GTF3C3: variants seen among roughly 807,000 people sequenced by gnomAD.
GTF3C3 encodes the protein general transcription factor IIIC subunit 3.
In GTF3C3, 75 loss-of-function variants were observed where a neutral mutation model predicts 105.2. The observed-to-expected ratio is 0.71, with a 90% confidence interval of 0.59 to 0.86. The LOEUF (loss-of-function observed/expected upper bound fraction) is 0.86, where lower values mean the gene tolerates loss of function less well. Ranked by LOEUF, GTF3C3 falls within the 40% of genes least tolerant of loss-of-function variation. The probability of loss-of-function intolerance (pLI) is 0.00; values close to 1 mark genes in which losing one functional copy is unlikely to be tolerated. For synonymous variants in GTF3C3, 335 were observed against 370.4 expected, an observed-to-expected ratio of 0.90 and a Z score of 1.10; for missense variants, 856 against 1,076.5, an observed-to-expected ratio of 0.80 and a Z score of 2.87.
At chr2:196,792,521 TTGTCTGTG>T (rs1192351256) in intron 3 of GTF3C3, among the ~76,000 whole-genome samples, 1 of 152,186 alleles carries the variant, frequency 6.6e-6, no homozygotes, top group Non-Finnish European at 1.5e-5. Context: ...AATTAAGGTT[TTGTCTGTG>T]TGTCTGTGTG....
At position 196,793,037 on chromosome 2, in the gene GTF3C3, T is replaced by TTCC. The variant is rs555178972; in HGVS notation, c.327_329dup (p.Glu111dup). ...CCGCAGTGGGTTGCTCAGGTGTTTC[T>TTCC]TCCTCCTCCTCCTCCTCCTCCTCTT... On this transcript the variant is annotated inframe_insertion, in exon 3 of 18. Coordinates refer to ENST00000263956, the MANE Select transcript of GTF3C3 (RefSeq NM_012086.5). 6.2e-4 allele frequency: 1,004 copies of TTCC among 1,611,302 alleles called. 3 individuals carry two copies. Among genetic ancestry groups the TTCC allele is most frequent in the African/African-American group, 3.6e-3 (271 of 74,846 alleles).
At chr2:196,765,227 T>C (rs1388773636) in intron 17 of GTF3C3, among the ~76,000 whole-genome samples, 1 of 152,140 alleles carries the variant, frequency 6.6e-6, no homozygotes, top group Non-Finnish European at 1.5e-5. Flanking sequence ...TTATAGTTTT[T>C]CCCACATACA....
intron 13 of GTF3C3, among the ~76,000 whole-genome samples, chr2:196,774,139 C>T (rs1699223359): frequency 6.6e-6 from 1 of 152,164 alleles, no homozygotes; most frequent in African/African-American, 2.4e-5. Flanking sequence ...CCTTTGATAG[C>T]CCTTAAGGAA....
At chr2:196,794,325 CAAAG>C (rs1699600408) in intron 2 of GTF3C3, among the ~76,000 whole-genome samples, 1 of 151,844 alleles carries the variant, frequency 6.6e-6, no homozygotes, top group African/African-American at 2.4e-5. Context: ...ACGGAAAACA[CAAAG>C]ATAGACATGT....
At chr2:196,789,181 G>A in intron 6 of GTF3C3, 23 bp downstream of exon 6, 1 of 1,565,734 alleles carries the variant, frequency 6.4e-7, no homozygotes, top group East Asian at 2.3e-5. Context: ...GGAGCAAGTA[G>A]ATCTGTTTCA....
chr2:196,774,817 A>C (rs1407819835), intron 13 of GTF3C3, among the ~76,000 whole-genome samples: 1 of 152,252 alleles, frequency 6.6e-6, no homozygotes, highest in African/African-American at 2.4e-5. Flanking sequence ...CTATACTGTC[A>C]TCTAATCTTC....
intron 8 of GTF3C3, among the ~76,000 whole-genome samples, chr2:196,781,199 C>A (rs1699343434): frequency 6.7e-6 from 1 of 148,848 alleles, no homozygotes; most frequent in Middle Eastern, 3.2e-3. Flanking sequence ...ACAGATGTAT[C>A]CTAAGTGGTG....
At chr2:196,764,734 G>T in intron 17 of GTF3C3, 49 bp from the exon 18 acceptor site, 1 of 1,529,096 alleles carries the variant, frequency 6.5e-7, no homozygotes, top group South Asian at 1.2e-5. Context: ...ACTGTCAACC[G>T]GGACAATTTT....
intron 2 of GTF3C3, among the ~76,000 whole-genome samples, chr2:196,793,487 G>A (rs917680158): frequency 2.0e-5 from 3 of 152,124 alleles, no homozygotes; most frequent in South Asian, 2.1e-4. Context: ...CTAGCAGTAC[G>A]GAGCCCTGGT....
At chr2:196,795,032 T>TTTTTG (rs1044408221) in intron 2 of GTF3C3, among the ~76,000 whole-genome samples, 6 of 148,644 alleles carry the variant, frequency 4.0e-5, no homozygotes, top group African/African-American at 5.0e-5. Flanking sequence ...CCCAGCATTT[T>TTTTTG]TTTTGTTTTG....
At chr2:196,768,441 A>G (rs981890579) in intron 16 of GTF3C3, among the ~76,000 whole-genome samples, 3 of 152,238 alleles carry the variant, frequency 2.0e-5, no homozygotes, top group African/African-American at 7.2e-5. Context: ...AATATTAAAT[A>G]AAAGTAGAAG....
At position 196,770,175 on chromosome 2, in the gene GTF3C3, TATTA is replaced by T. The variant is rs368764954; in HGVS notation, c.2261-140_2261-137del. ...CTATCTTAAATAGCAACCAGAGACC[TATTA>T]ATTTGAATTTTAAAACAATGTATAA... On this transcript the variant is annotated intron_variant, in intron 15 of 17. Coordinates refer to ENST00000263956, the MANE Select transcript of GTF3C3 (RefSeq NM_012086.5). The T allele has an allele frequency of 7.1e-5, 44 of 615,418 alleles. No homozygotes were observed. The Middle Eastern group carries it at 1.9e-3, about 27-fold the overall frequency. The allele number at this position is 615,418 out of a possible 1,614,324, so 38.1% of individuals were successfully genotyped here.
chr2:196,778,525 T>C (rs2125743587), intron 10 of GTF3C3: 1 of 202,078 alleles, frequency 4.9e-6, no homozygotes, highest in Admixed American at 5.4e-5. Context: ...TTGAAAAATA[T>C]ATTAATTTTT....
Position 196,799,590 on chromosome 2 carries a change from G to A in GTF3C3, c.22C>T (p.Leu8Phe), listed in dbSNP as rs767495891. The stretch of plus-strand genomic sequence containing the variant: ...ATTTTCCCTTCCAAGTAGTCGATGA[G>A]TTCCGGACTGAACCCTGACATGTTT... MSGFSPE[L>F]IDYLEGKISF... Residue 8 changes from leucine to phenylalanine, a missense_variant, in exon 1 of 18, where the codon CTC (leucine) becomes TTC (phenylalanine). Around this residue, in one of 3 missense-constraint regions of GTF3C3, gnomAD observed 117 missense variants for 114.0 expected, o/e 1.03. Transcript: ENST00000263956. The A allele has an allele frequency of 1.9e-6, 3 of 1,613,656 alleles. No homozygotes were observed. Among genetic ancestry groups the A allele is most frequent in the Non-Finnish European group, 2.5e-6 (3 of 1,179,552 alleles).
chr2:196,787,999 GAA>G (rs1228127938), intron 6 of GTF3C3, among the ~76,000 whole-genome samples: 6 of 152,184 alleles, frequency 3.9e-5, no homozygotes, highest in African/African-American at 1.4e-4. Flanking sequence ...AATAGAAGTG[GAA>G]AACCAATTTA....
intron 3 of GTF3C3, among the ~76,000 whole-genome samples, 198 bp downstream of exon 3, chr2:196,792,758 C>T (rs147767220): frequency 6.6e-5 from 10 of 152,204 alleles, no homozygotes; most frequent in Non-Finnish European, 1.3e-4. Flanking sequence ...GGGCTACAGG[C>T]ACACCACCAT....
intron 4 of GTF3C3, among the ~76,000 whole-genome samples, chr2:196,790,761 C>T (rs149353954): frequency 3.3e-5 from 5 of 152,052 alleles, no homozygotes; most frequent in Admixed American, 1.3e-4. Context: ...CCTAGTCTAA[C>T]CAAAAAGAAA....
intron 16 of GTF3C3, among the ~76,000 whole-genome samples, chr2:196,768,608 T>C (rs1699114524): frequency 6.6e-6 from 1 of 152,170 alleles, no homozygotes. Context: ...GAAATGATGC[T>C]ATTTACAATA....
At chr2:196,785,728 T>G in intron 6 of GTF3C3, 140 bp from the exon 7 acceptor site, 2 of 595,392 alleles carry the variant, frequency 3.4e-6, no homozygotes, top group Non-Finnish European at 6.0e-6. Flanking sequence ...CTTAAAATCG[T>G]AATCAGAACT....
Sources: allele counts gnomAD v4.1 joint callset (sites outside exome capture counted in the v4.1 genomes callset), GRCh38; gene constraint gnomAD v4.1.1; regional missense constraint gnomAD v4.1.1; transcripts MANE v1.5; gene names NCBI Gene and HGNC (gene_info 2026-07-23, HGNC 2026-07-21).